Variants in RAPSN observed in about 807,000 individuals in gnomAD.
RAPSN encodes the protein receptor associated protein of the synapse, also known as 43 kDa receptor-associated protein of the synapse.
RAPSN carries 33 observed loss-of-function variants against 45.7 expected under a neutral mutation model. The ratio of observed to expected loss-of-function variants is 0.72; its 90% CI spans 0.55 to 0.97. The LOEUF is 0.97. Among genes scored for constraint, RAPSN ranks in the 50% least tolerant of loss-of-function variants. The probability of loss-of-function intolerance (pLI) is 0.00; values close to 1 mark genes in which losing one functional copy is unlikely to be tolerated. For synonymous variants in RAPSN, 244 were observed against 233.6 expected, an observed-to-expected ratio of 1.04 and a Z score of -0.40; for missense variants, 519 against 559.4, an observed-to-expected ratio of 0.93 and a Z score of 0.73.
At position 47,449,091 on chromosome 11, in the gene RAPSN, G is replaced by C. The variant is rs2076435498; in HGVS notation, c.-127C>G. 5.2e-6 allele frequency: 6 copies of C among 1,152,842 alleles called. No homozygotes were observed. Among genetic ancestry groups the C allele is most frequent in the Admixed American group, 1.9e-5 (1 of 52,050 alleles). The allele number at this position is 1,152,842 out of a possible 1,614,324, so 71.4% of individuals were successfully genotyped here. On this transcript the variant is annotated 5_prime_UTR_variant, in exon 1 of 8. Transcript: ENST00000298854. Reference sequence around the variant, plus strand: ...TGGGAACAAAAGCAGCGTCGGGTGGGAGCCGGAATGGGGCCTGGATGGAGA... The same window carrying C: ...TGGGAACAAAAGCAGCGTCGGGTGGCAGCCGGAATGGGGCCTGGATGGAGA...
chr11:47,441,480 G>T, intron 5 of RAPSN, 131 bp downstream of exon 5: 1 of 1,488,480 alleles, frequency 6.7e-7, no homozygotes. Context: ...AAATGACCAG[G>T]AATGTCCTGG....
At chr11:47,447,785 T>G in intron 2 of RAPSN, 27 bp downstream of exon 2, 8 of 1,595,818 alleles carry the variant, frequency 5.0e-6, no homozygotes, top group Non-Finnish European at 6.8e-6. Context: ...AACCCTCCAC[T>G]GCTGTCCCCC....
At chr11:47,439,505 G>C (rs891613437) in intron 6 of RAPSN, among the ~76,000 whole-genome samples, 1 of 151,954 alleles carries the variant, frequency 6.6e-6, no homozygotes, top group Admixed American at 6.6e-5. Flanking sequence ...CTGCTTTCCT[G>C]TTTTTATTAA....
rs769894057 is a variant in RAPSN at position 47,441,812 on chromosome 11, G to C, written c.789+11C>G. On this transcript the variant is annotated intron_variant, in intron 4 of 7. Coordinates refer to ENST00000298854, the MANE Select transcript of RAPSN (RefSeq NM_005055.5). ...CCCCTGCCCCCAGCCCCTGCATCCC[G>C]GTGACCTCACCTCCAGGTCCCCACG... The C allele has an allele frequency of 1.3e-5, 12 of 950,054 alleles. No individual in the cohort carries two copies. The Middle Eastern group carries it at 3.7e-3, about 297-fold the overall frequency. The allele number at this position is 950,054 out of a possible 1,614,324, so 58.9% of individuals were successfully genotyped here.
rs1262674788 is a variant in RAPSN at position 47,441,685 on chromosome 11, C to T, written c.838G>A (p.Gly280Arg). Residue 280 changes from glycine (G) to arginine (R), a missense_variant, in exon 5 of 8, where the codon GGA becomes AGA. Physicochemically the swap from Gly to Arg is moderately radical, Grantham distance 125. Transcript: ENST00000298854. Reference sequence around the variant, plus strand: ...GCCTGCACCTGCCCCAGGCGGTTTCCGATCTCGGTCATGATGCTCATGGCG... The same window carrying T: ...GCCTGCACCTGCCCCAGGCGGTTTCTGATCTCGGTCATGATGCTCATGGCG... ...DSAMSIMTEI[G>R]NRLGQVQALL... is the part of the protein sequence containing the mutation. 5.6e-6 allele frequency: 9 copies of T among 1,609,730 alleles called. No homozygotes were observed. The highest frequency in any genetic ancestry group is 1.1e-5 in the South Asian group (1 of 90,984).
Position 47,442,666 on chromosome 11 carries a change from T to G in RAPSN, c.680A>C (p.Glu227Ala), listed in dbSNP as rs554388545. ...RLLGRLGSAM[E>A]CCEESMKIAL... Reference sequence around the variant, plus strand: ...TCCCCGCTGCCCCACCTCACAACACTCCATGGCACTGCCCAGGCGGCCCAG... The same window carrying G: ...TCCCCGCTGCCCCACCTCACAACACGCCATGGCACTGCCCAGGCGGCCCAG... The change falls in exon 3 of 8, where the codon GAG becomes GCG. Residue 227 changes from glutamate to alanine, a missense_variant. Transcript: ENST00000298854. The G allele has an allele frequency of 1.9e-6, 3 of 1,603,334 alleles. No individual in the cohort carries two copies. Among genetic ancestry groups the G allele is most frequent in the Non-Finnish European group, 2.6e-6 (3 of 1,173,966 alleles).
chr11:47,442,644 C>G lies in RAPSN; in HGVS notation c.690+12G>C. On this transcript the variant is annotated intron_variant, in intron 3 of 7. Coordinates refer to ENST00000298854, the MANE Select transcript of RAPSN (RefSeq NM_005055.5). ...CCTCATCCCCGACCTGCCCCCTTCCCCGCTGCCCCACCTCACAACACTCCA... is the reference window on the plus strand; with the variant it reads ...CCTCATCCCCGACCTGCCCCCTTCCGCGCTGCCCCACCTCACAACACTCCA... 6.2e-7 allele frequency: 1 copy of G among 1,613,734 alleles called. No individual in the cohort carries two copies. Among genetic ancestry groups the G allele is most frequent in the Non-Finnish European group, 8.5e-7 (1 of 1,179,902 alleles).
chr11:47,442,908 G>A, intron 2 of RAPSN, 94 bp from the exon 3 acceptor site: 1 of 1,588,620 alleles, frequency 6.3e-7, no homozygotes, highest in African/African-American at 1.3e-5. Context: ...ACAGCAGGTA[G>A]GGGCAGGGGG....
chr11:47,448,850 G>C lies in RAPSN; in HGVS notation c.115C>G (p.Leu39Val), dbSNP rs1469646172. 6.2e-7 allele frequency: 1 copy of C among 1,614,130 alleles called. No homozygotes were observed. The change falls in exon 1 of 8, where the codon CTC becomes GTC. Residue 39 changes from leucine (L) to valine (V), a missense_variant. Leu to Val is a conservative substitution (Grantham distance 32). Transcript: ENST00000298854. ...CCCAGCACGCGGAAGCGCCCCATGA[G>C]GTCCGAGCTCTTCTCCAGCACCTTT... The part of the protein sequence containing the change: ...WTKVLEKSSD[L>V]MGRFRVLGCL...
At chr11:47,440,138 G>C (rs139216156) in intron 6 of RAPSN, among the ~76,000 whole-genome samples, 2 of 152,264 alleles carry the variant, frequency 1.3e-5, no homozygotes, top group Admixed American at 6.5e-5. Context: ...GTGGGACCTT[G>C]GACGCCTCTT....
rs185312115 is a variant in RAPSN, at chr11:47,443,905, G to A, written c.532-1091C>T. Among the ~76,000 whole-genome samples, 4 of 125,812 alleles carry A rather than the reference G, an allele frequency of 3.2e-5. No individual in the cohort carries two copies. In the East Asian group the frequency reaches 9.5e-4, roughly 30 times the overall value. The allele number at this position is 125,812 out of a possible 152,430, so 82.5% of individuals were successfully genotyped here. A position where few individuals can be genotyped will look rare whatever the true frequency, so the allele number is the denominator to read the frequency against. ...AGATTGCACCACTGCACTCCAGCCT[G>A]GGTGACAGAGGCAGACTCTGTCTCA... On this transcript the variant is annotated intron_variant, in intron 2 of 7. Coordinates refer to ENST00000298854, the MANE Select transcript of RAPSN (RefSeq NM_005055.5).
At chr11:47,440,564 G>A (rs7104366) in intron 6 of RAPSN, among the ~76,000 whole-genome samples, 94,891 of 151,896 alleles carry the variant, frequency 0.62, 31,057 homozygotes, top group South Asian at 0.78. Flanking sequence ...CCTGGCCAAC[G>A]CAGTGAATCC....
chr11:47,448,182 C>T (rs886628822), intron 1 of RAPSN, 32 bp from the exon 2 acceptor site: 1 of 1,600,216 alleles, frequency 6.2e-7, no homozygotes, highest in African/African-American at 1.3e-5. Context: ...AGGTGGTGCT[C>T]AGCCTGGACT....
At chr11:47,441,576 G>A in intron 5 of RAPSN, 35 bp downstream of exon 5, 1 of 1,600,744 alleles carries the variant, frequency 6.2e-7, no homozygotes, top group Non-Finnish European at 8.5e-7. Flanking sequence ...GGAGTGCTGG[G>A]AGGGCTGGAG....
Position 47,441,697 on chromosome 11 carries a change from T to C in RAPSN, c.826A>G (p.Met276Val). Residue 276 changes from methionine (M) to valine (V), a missense_variant, in exon 5 of 8, where the codon ATG becomes GTG. Coordinates refer to ENST00000298854, the MANE Select transcript of RAPSN (RefSeq NM_005055.5). Reference protein sequence around the residue: ...FPRYDSAMSIMTEIGNRLGQV... With the variant: ...FPRYDSAMSIVTEIGNRLGQV... ...CCCAGGCGGTTTCCGATCTCGGTCA[T>C]GATGCTCATGGCGGAGTCGTACCTG... 3 of 1,609,494 alleles carry C rather than the reference T, an allele frequency of 1.9e-6. No individual in the cohort carries two copies. The highest frequency in any genetic ancestry group is 2.2e-5 in the South Asian group (2 of 91,026).
Position 47,448,033 on chromosome 11 carries a change from A to T in RAPSN, c.310T>A (p.Ser104Thr). Residue 104 changes from serine (S) to threonine (T), a missense_variant, in exon 2 of 8, where the codon TCC (serine) becomes ACC (threonine). Physicochemically the swap from Ser to Thr is moderately conservative, Grantham distance 58 (BLOSUM62 1). Coordinates refer to ENST00000298854, the MANE Select transcript of RAPSN (RefSeq NM_005055.5). The stretch of plus-strand genomic sequence containing the variant: ...AGCCCAAGGCAGGTCTTGCAGTAGG[A>T]GATGGTCTTGTGAAACTCGCACAGC... ...EKLCEFHKTI[S>T]YCKTCLGLPG... 1.2e-6 allele frequency: 2 copies of T among 1,613,976 alleles called. No individual in the cohort carries two copies. The highest frequency in any genetic ancestry group is 1.7e-6 in the Non-Finnish European group (2 of 1,179,986).
intron 6 of RAPSN, among the ~76,000 whole-genome samples, chr11:47,440,607 G>A (rs1200591274): frequency 2.0e-5 from 3 of 152,176 alleles, no homozygotes; most frequent in African/African-American, 7.2e-5. Context: ...AATTAGCCCA[G>A]TGTGGTGGCG....
In RAPSN at chr11:47,442,655, C is replaced by T. The variant is rs1439403317; in HGVS notation, c.690+1G>A. On this transcript the variant is annotated splice_donor_variant, in intron 3 of 7. Transcript: ENST00000298854. LOFTEE classifies it high-confidence loss of function. ...ACCTGCCCCCTTCCCCGCTGCCCCACCTCACAACACTCCATGGCACTGCCC... is the reference window on the plus strand; with the variant it reads ...ACCTGCCCCCTTCCCCGCTGCCCCATCTCACAACACTCCATGGCACTGCCC... 3 of 1,614,132 alleles carry T rather than the reference C, an allele frequency of 1.9e-6. No homozygotes were observed. The highest frequency in any genetic ancestry group is 1.7e-6 in the Non-Finnish European group (2 of 1,180,020).
intron 6 of RAPSN, 117 bp from the exon 7 acceptor site, chr11:47,439,048 C>G: frequency 8.7e-7 from 1 of 1,148,262 alleles, no homozygotes. Flanking sequence ...AATGTCCTGC[C>G]CTCTCTGGGA....
Sources: gnomAD v4.1 joint callset for allele counts (sites outside exome capture counted in the v4.1 genomes callset) on GRCh38, gnomAD v4.1.1 for gene constraint, MANE v1.5 for transcripts, NCBI Gene and HGNC (gene_info 2026-07-23, HGNC 2026-07-21) for gene names.